Variants in RNFT2 observed in about 807,000 individuals in gnomAD.
The protein encoded by RNFT2 is E3 ubiquitin-protein ligase RNFT2.
RNFT2 carries 36 observed loss-of-function variants against 53.0 expected under a neutral mutation model. The ratio of observed to expected loss-of-function variants is 0.68; its 90% confidence interval spans 0.52 to 0.90. The LOEUF (loss-of-function observed/expected upper bound fraction) is 0.90, where lower values mean the gene tolerates loss of function less well. Among genes scored for constraint, RNFT2 ranks in the 40% least tolerant of loss-of-function variants. The pLI is 0.00. For missense variants in RNFT2, 514 were observed against 585.6 expected (o/e 0.88, Z 1.26); for synonymous variants, 260 against 253.2 (o/e 1.03, Z -0.26).
intron 7 of RNFT2, among the ~76,000 whole-genome samples, chr12:116,796,309 G>T (rs1336010388): frequency 6.6e-6 from 1 of 152,192 alleles, no homozygotes. Flanking sequence ...CAGAAACAAG[G>T]AAAGGCTTAG....
intron 10 of RNFT2, among the ~76,000 whole-genome samples, chr12:116,842,876 T>C (rs1256076819): frequency 6.6e-6 from 1 of 152,104 alleles, no homozygotes; most frequent in Non-Finnish European, 1.5e-5. Context: ...GCCCGGCGTG[T>C]TTATACTTTA....
rs116240456 is a variant in RNFT2, at chr12:116,775,462, C to T, written c.729-3733C>T. On this transcript the variant is annotated intron_variant, in intron 6 of 10. Transcript: ENST00000257575. Reference sequence around the variant, plus strand: ...TGCTAAGGAGTCTTAGCCTTGGAGGCGACACTTACCACTGAGCTTGAATCT... The same window carrying T: ...TGCTAAGGAGTCTTAGCCTTGGAGGTGACACTTACCACTGAGCTTGAATCT... 4.0e-3 allele frequency among the ~76,000 whole-genome samples: 615 copies of T among 152,214 alleles called. 3 individuals are homozygous for T. The highest frequency in any genetic ancestry group is 0.014 in the African/African-American group (594 of 41,548).
chr12:116,783,554 C>T (rs1355576002), intron 7 of RNFT2, among the ~76,000 whole-genome samples: 2 of 152,256 alleles, frequency 1.3e-5, no homozygotes, highest in Non-Finnish European at 2.9e-5. Flanking sequence ...GTTGCAGCCA[C>T]CTGCAGGCAC....
intron 6 of RNFT2, among the ~76,000 whole-genome samples, chr12:116,769,750 G>A (rs1349423782): frequency 1.3e-5 from 2 of 152,050 alleles, no homozygotes; most frequent in South Asian, 2.1e-4. Context: ...TAAATGTAAC[G>A]GCCGGGCATG....
intron 7 of RNFT2, among the ~76,000 whole-genome samples, chr12:116,780,003 G>T (rs1332231078): frequency 6.6e-6 from 1 of 151,734 alleles, no homozygotes; most frequent in East Asian, 1.9e-4. Context: ...CTGGACCGAA[G>T]CAGGTGGACT....
Position 116,766,873 on chromosome 12 carries a change from C to A in RNFT2, c.687C>A (p.Leu229=). The A allele has an allele frequency of 6.3e-7, 1 of 1,596,626 alleles. No homozygotes were observed. Among genetic ancestry groups the A allele is most frequent in the South Asian group, 1.1e-5 (1 of 87,792 alleles). Residue 229 remains leucine, a synonymous_variant, in exon 6 of 11, where the codon CTC becomes CTA. Transcript: ENST00000257575. Reference sequence around the variant, plus strand: ...TGGCCTTTCTGGCGGGGAACACCCTCTATGTGCTTTATACATTCAGCTCCC... The same window carrying A: ...TGGCCTTTCTGGCGGGGAACACCCTATATGTGCTTTATACATTCAGCTCCC... The part of the protein sequence containing the change: ...WILAFLAGNT[L]YVLYTFSSQQ...
At chr12:116,787,835 TCTTA>T (rs1874008087) in intron 7 of RNFT2, among the ~76,000 whole-genome samples, 1 of 152,156 alleles carries the variant, frequency 6.6e-6, no homozygotes. Flanking sequence ...CTGTCTGGCA[TCTTA>T]CTTACTCATC....
chr12:116,791,135 G>A (rs1034885849), intron 7 of RNFT2, among the ~76,000 whole-genome samples: 4 of 152,046 alleles, frequency 2.6e-5, no homozygotes, highest in African/African-American at 9.7e-5. Context: ...TTCCATTCCC[G>A]CTTCCCACAA....
chr12:116,853,375 TAATA>T lies in RNFT2; in HGVS notation c.*3931_*3934del. 2.5e-6 allele frequency: 1 copy of T among 393,966 alleles called. No individual in the cohort carries two copies. Among genetic ancestry groups the T allele is most frequent in the East Asian group, 3.6e-5 (1 of 27,870 alleles). 24.4% of individuals were successfully genotyped at this position (393,966 alleles called of 1,614,324 possible). ...CTCTTCATGTAAAATATCTTGAGAA[TAATA>T]AATGTGAGGGAATAAGAAAGGCAAG... On this transcript the variant is annotated 3_prime_UTR_variant, in exon 11 of 11. Transcript: ENST00000257575.
At chr12:116,743,207 A>T (rs1871702330) in intron 3 of RNFT2, among the ~76,000 whole-genome samples, 1 of 123,950 alleles carries the variant, frequency 8.1e-6, no homozygotes, top group African/African-American at 3.2e-5. Flanking sequence ...GATACCAGGT[A>T]GAATCTAAAA....
intron 7 of RNFT2, among the ~76,000 whole-genome samples, chr12:116,815,028 G>A (rs1331182533): frequency 2.8e-5 from 4 of 140,686 alleles, no homozygotes; most frequent in Admixed American, 2.1e-4. Flanking sequence ...GAGCCACGGC[G>A]CCCAGCCGAG....
At chr12:116,813,038 C>T (rs1875465579) in intron 7 of RNFT2, among the ~76,000 whole-genome samples, 1 of 152,228 alleles carries the variant, frequency 6.6e-6, no homozygotes, top group Non-Finnish European at 1.5e-5. Flanking sequence ...TCATTGCAGC[C>T]ATGACCTCCC....
chr12:116,852,785 C>G lies in RNFT2; in HGVS notation c.*3337C>G. 1 of 1,493,532 alleles carries G rather than the reference C, an allele frequency of 6.7e-7. No homozygotes were observed. The highest frequency in any genetic ancestry group is 1.1e-5 in the South Asian group (1 of 88,348). 92.5% of individuals were successfully genotyped at this position (1,493,532 alleles called of 1,614,324 possible). On this transcript the variant is annotated 3_prime_UTR_variant, in exon 11 of 11. Coordinates refer to ENST00000257575, the MANE Select transcript of RNFT2 (RefSeq NM_001382266.1). The stretch of plus-strand genomic sequence containing the variant: ...AACTCTTTATTACTTTGGGAAGTCA[C>G]TCAGCCTCCCTGTAGCCATCTCCAG...
chr12:116,738,717 T>G (rs1279448431), intron 1 of RNFT2: 2 of 152,236 alleles, frequency 1.3e-5, no homozygotes, highest in South Asian at 2.1e-4. Context: ...GTGCAAAAAT[T>G]TATTCCAGAA....
intron 3 of RNFT2, among the ~76,000 whole-genome samples, chr12:116,744,572 C>G (rs1871806795): frequency 6.6e-6 from 1 of 152,162 alleles, no homozygotes; most frequent in African/African-American, 2.4e-5. Flanking sequence ...ATCCCTGTGT[C>G]CCCCAGCACC....
At chr12:116,817,706 G>A (rs1875758605) in intron 7 of RNFT2, among the ~76,000 whole-genome samples, 1 of 152,170 alleles carries the variant, frequency 6.6e-6, no homozygotes, top group South Asian at 2.1e-4. Context: ...GTAGCAAGGG[G>A]CTTTTGAACT....
intron 6 of RNFT2, among the ~76,000 whole-genome samples, chr12:116,778,855 C>T (rs1209602395): frequency 6.6e-6 from 1 of 152,092 alleles, no homozygotes; most frequent in Admixed American, 6.6e-5. Context: ...ATCTCAAAAA[C>T]AAACAAACAA....
chr12:116,821,798 G>GTTTTTT (rs1876041924), intron 7 of RNFT2, among the ~76,000 whole-genome samples: 2 of 61,964 alleles, frequency 3.2e-5, no homozygotes, highest in Admixed American at 1.9e-4. Context: ...CTGACTACTT[G>GTTTTTT]TTTCTTTTTT....
chr12:116,742,877 G>A (rs1359612072), intron 3 of RNFT2, among the ~76,000 whole-genome samples: 1 of 151,926 alleles, frequency 6.6e-6, no homozygotes, highest in Non-Finnish European at 1.5e-5. Context: ...GAGCCCAGAA[G>A]TTTGAGATCA....
Sources: allele counts gnomAD v4.1 joint callset (sites outside exome capture counted in the v4.1 genomes callset), GRCh38; gene constraint gnomAD v4.1.1; transcripts MANE v1.5; gene names NCBI Gene and HGNC (gene_info 2026-07-23, HGNC 2026-07-21).